The following CFAP157 variants were observed in gnomAD, a reference collection of about 807,000 sequenced individuals.
CFAP157 encodes cilia- and flagella-associated protein 157.
A neutral mutation model predicts 57.8 loss-of-function variants in CFAP157; 43 were observed. That is an observed-to-expected ratio of 0.74 (90% CI 0.58 to 0.96). The LOEUF is 0.96. CFAP157 is among the 40% of genes least tolerant of loss of function. CFAP157 has a pLI of 0.00. For missense variants in CFAP157, 606 were observed against 655.3 expected (o/e 0.92, Z 0.82); for synonymous variants, 267 against 269.0 (o/e 0.99, Z 0.07).
chr9:127,715,103 G>A lies in CFAP157; in HGVS notation c.*1198G>A, dbSNP rs1188287964. ...GTGCCGGTCGCGCGTCCAACTCTCC[G>A]CCACACCCAGCCGCCGCGCCAGCTG... On this transcript the variant is annotated 3_prime_UTR_variant, in exon 9 of 9. Transcript: ENST00000373295. The surrounding 1 kb of genome is among the most constrained non-coding windows in gnomAD (Gnocchi z 5.8). The A allele has an allele frequency of 1.3e-6, 2 of 1,533,458 alleles. No individual in the cohort carries two copies. Among genetic ancestry groups the A allele is most frequent in the Admixed American group, 2.0e-5 (1 of 51,140 alleles). The allele number at this position is 1,533,458 out of a possible 1,614,324, so 95.0% of individuals were successfully genotyped here. A position where few individuals can be genotyped will look rare whatever the true frequency, so the allele number is the denominator to read the frequency against.
rs866067906 is a variant in CFAP157 at position 127,710,630 on chromosome 9, C to T, written c.463C>T (p.Arg155Trp). The change falls in exon 3 of 9, where the codon CGG (arginine) becomes TGG (tryptophan). Residue 155 changes from arginine to tryptophan, a missense_variant. By Grantham distance (101) the Arg-to-Trp change is moderately radical (BLOSUM62 -3). Coordinates refer to ENST00000373295, the MANE Select transcript of CFAP157 (RefSeq NM_001012502.3). ...GAAGCTGGCAGCCCTGGAGGAGTTC[C>T]GGCTGCAGAAAGAGGAGGTCACGGA... ...GGKLAALEEF[R>W]LQKEEVTDKF... The T allele has an allele frequency of 1.6e-5, 26 of 1,585,896 alleles. No homozygotes were observed. Among genetic ancestry groups the T allele is most frequent in the Middle Eastern group, 3.3e-4 (2 of 6,010 alleles).
Position 127,711,899 on chromosome 9 carries a change from G to A in CFAP157, c.935G>A (p.Ser312Asn), listed in dbSNP as rs1385752828. ...GCCGAGGAGCTGCGCCTCCTGCTGA[G>A]CCAGTTGGAGCAGAGATCCCTGCAG... is the stretch of plus-strand genomic sequence containing the variant. ...KEAEELRLLL[S>N]QLEQRSLQLQ... Residue 312 changes from serine to asparagine, a missense_variant, in exon 5 of 9, where the codon AGC becomes AAC. Transcript: ENST00000373295. The A allele has an allele frequency of 6.2e-7, 1 of 1,601,098 alleles. No individual in the cohort carries two copies. Among genetic ancestry groups the A allele is most frequent in the African/African-American group, 1.3e-5 (1 of 74,880 alleles).
At chr9:127,710,803 G>T (rs1382840753) in intron 3 of CFAP157, 49 bp downstream of exon 3, 2 of 1,543,528 alleles carry the variant, frequency 1.3e-6, no homozygotes, top group African/African-American at 2.7e-5. Flanking sequence ...TCATCCCTGG[G>T]GCTACGAACA....
Position 127,711,272 on chromosome 9 carries a change from G to A in CFAP157, c.631G>A (p.Glu211Lys). The A allele has an allele frequency of 6.2e-7, 1 of 1,614,190 alleles. No homozygotes were observed. The highest frequency in any genetic ancestry group is 8.5e-7 in the Non-Finnish European group (1 of 1,180,034). The change falls in exon 4 of 9, where the codon GAG becomes AAG. Residue 211 changes from glutamate to lysine, a missense_variant. By Grantham distance (56) the Glu-to-Lys change is moderately conservative (BLOSUM62 1). Transcript: ENST00000373295. ...CCAGCGCGTGAACCTCGTGGCCAATGAGTTCCACAAGGTGACCACGAACCG... is the reference window on the plus strand; with the variant it reads ...CCAGCGCGTGAACCTCGTGGCCAATAAGTTCCACAAGGTGACCACGAACCG... ...IIQRVNLVANEFHKVTTNRMW... is the reference protein window; with the variant it reads ...IIQRVNLVANKFHKVTTNRMW...
rs1437140642 is a variant in CFAP157, at chr9:127,713,945, C to T, written c.*40C>T. The T allele has an allele frequency of 6.3e-7, 1 of 1,590,872 alleles. No individual in the cohort carries two copies. The highest frequency in any genetic ancestry group is 2.2e-5 in the East Asian group (1 of 44,742). ...AACCTACTCCAGAAATGGACTGGTC[C>T]AGTCACAGTCACCCCCACTTTAATC... is the stretch of plus-strand genomic sequence containing the variant. On this transcript the variant is annotated 3_prime_UTR_variant, in exon 9 of 9. Coordinates refer to ENST00000373295, the MANE Select transcript of CFAP157 (RefSeq NM_001012502.3).
Position 127,707,003 on chromosome 9 carries a change from G to A in CFAP157, c.-29G>A, listed in dbSNP as rs1222751622. The A allele has an allele frequency of 1.2e-6, 2 of 1,610,624 alleles. No homozygotes were observed. Among genetic ancestry groups the A allele is most frequent in the African/African-American group, 2.7e-5 (2 of 74,750 alleles). On this transcript the variant is annotated 5_prime_UTR_variant, in exon 1 of 9. Coordinates refer to ENST00000373295, the MANE Select transcript of CFAP157 (RefSeq NM_001012502.3). ...CTTAGCAACCACCTGGCCTCTTCCT[G>A]GGGCCTGGAGCCCTGGTTGCCATCA...
At position 127,713,197 on chromosome 9, in the gene CFAP157, C is replaced by T. The variant is rs200954672; in HGVS notation, c.1482C>T (p.Ser494=). 9.1e-6 allele frequency: 14 copies of T among 1,546,006 alleles called. No homozygotes were observed. Among genetic ancestry groups the T allele is most frequent in the Non-Finnish European group, 1.0e-5 (12 of 1,145,636 alleles). Residue 494 remains serine, a synonymous_variant, in exon 8 of 9, where the codon AGC becomes AGT. Transcript: ENST00000373295. ...GTGTGGGGACCTTCCGGGCACACAG[C>T]AGCCCTGAGGTGAGGGTGCCAGGGG... ...ITRVGTFRAH[S]SPEMRAPGSL...
chr9:127,713,847 G>GCACATCTT lies in CFAP157; in HGVS notation c.1505_1506insCACATCTT (p.Ser503ThrfsTer5), dbSNP rs749386616. 1 of 1,613,794 alleles carries GCACATCTT rather than the reference G, an allele frequency of 6.2e-7. No homozygotes were observed. The highest frequency in any genetic ancestry group is 1.1e-5 in the South Asian group (1 of 91,074). ...TTAATCTTACAGATGCGTGCCCCTGGTTCTCTAAAAAGGCTTGAAAAGTTT... is the reference window on the plus strand; with the variant it reads ...TTAATCTTACAGATGCGTGCCCCTGGCACATCTTTTCTCTAAAAAGGCTTGAAAAGTTT... On this transcript the variant is annotated frameshift_variant, in exon 9 of 9. Coordinates refer to ENST00000373295, the MANE Select transcript of CFAP157 (RefSeq NM_001012502.3). LOFTEE classifies it high-confidence loss of function.
Position 127,707,019 on chromosome 9 carries a change from G to A in CFAP157, c.-13G>A. The A allele has an allele frequency of 6.2e-7, 1 of 1,613,186 alleles. No individual in the cohort carries two copies. Among genetic ancestry groups the A allele is most frequent in the Non-Finnish European group, 8.5e-7 (1 of 1,179,526 alleles). ...CCTCTTCCTGGGGCCTGGAGCCCTG[G>A]TTGCCATCAGCCATGGCTCCCAAAA... On this transcript the variant is annotated 5_prime_UTR_variant, in exon 1 of 9. Coordinates refer to ENST00000373295, the MANE Select transcript of CFAP157 (RefSeq NM_001012502.3).
In CFAP157 at chr9:127,710,701, G is replaced by A. The variant is rs1401177766; in HGVS notation, c.534G>A (p.Glu178=). ...AGCAGGTGCGGAAGCAGGAGAATGAGTTCAGGGACTATGCATACAACCTGG... is the reference window on the plus strand; with the variant it reads ...AGCAGGTGCGGAAGCAGGAGAATGAATTCAGGGACTATGCATACAACCTGG... ...LEEQVRKQEN[E]FRDYAYNLEK... is the part of the protein sequence containing the mutation. The change falls in exon 3 of 9, where the codon GAG becomes GAA. Residue 178 remains glutamate (E), a synonymous_variant. Coordinates refer to ENST00000373295, the MANE Select transcript of CFAP157 (RefSeq NM_001012502.3). 1 of 1,575,070 alleles carries A rather than the reference G, an allele frequency of 6.3e-7. No individual in the cohort carries two copies. The highest frequency in any genetic ancestry group is 8.6e-7 in the Non-Finnish European group (1 of 1,159,424).
At position 127,707,074 on chromosome 9, in the gene CFAP157, G is replaced by C. The variant is rs1283236085; in HGVS notation, c.43G>C (p.Glu15Gln). The C allele has an allele frequency of 6.2e-6, 10 of 1,614,006 alleles. No individual in the cohort carries two copies. Among genetic ancestry groups the C allele is most frequent in the Admixed American group, 3.3e-5 (2 of 60,036 alleles). The stretch of plus-strand genomic sequence containing the variant: ...TGTGAGCAAGGCAGGCAAGGAGCTT[G>C]AAGTCAAGAAGAAAGGGGGCAAGAA... ...KSVSKAGKEL[E>Q]VKKKGGKKEP... is the part of the protein sequence containing the mutation. The change falls in exon 1 of 9, where the codon GAA becomes CAA. Residue 15 changes from glutamate to glutamine, a missense_variant. Glu to Gln is a conservative substitution (Grantham distance 29). Transcript: ENST00000373295.
chr9:127,711,138 G>T, intron 3 of CFAP157, 91 bp from the exon 4 acceptor site: 2 of 1,492,424 alleles, frequency 1.3e-6, no homozygotes, highest in Non-Finnish European at 9.0e-7. Context: ...GTGTTTAACA[G>T]CCCTAGGTGC....
At chr9:127,712,989 G>A (rs1248941342) in intron 7 of CFAP157, 31 bp from the exon 8 acceptor site, 1 of 1,607,926 alleles carries the variant, frequency 6.2e-7, no homozygotes, top group Non-Finnish European at 8.5e-7. Flanking sequence ...GCTCGCCGAA[G>A]GCTCTGTGAC....
At position 127,709,406 on chromosome 9, in the gene CFAP157, T is replaced by TCTGCCC; in HGVS notation, c.162-8_162-3dup. The TCTGCCC allele has an allele frequency of 1.9e-6, 3 of 1,611,044 alleles. No individual in the cohort carries two copies. The highest frequency in any genetic ancestry group is 2.5e-6 in the Non-Finnish European group (3 of 1,179,048). On this transcript the variant is annotated splice_polypyrimidine_tract_variant and intron_variant, in intron 1 of 8. Coordinates refer to ENST00000373295, the MANE Select transcript of CFAP157 (RefSeq NM_001012502.3). The surrounding 1 kb of genome is among the most constrained non-coding windows in gnomAD (Gnocchi z 4.7). ...CCCAGCCTGACCCCTGGACCACGGC[T>TCTGCCC]CTGCCCCTGCCCCAGGTACCAGCGG...
chr9:127,711,532 T>C, intron 4 of CFAP157, 36 bp downstream of exon 4: 1 of 1,597,338 alleles, frequency 6.3e-7, no homozygotes. Flanking sequence ...GCATTTGGCA[T>C]GCAAGGCAGG....
Position 127,714,112 on chromosome 9 carries a change from T to C in CFAP157, c.*207T>C. Reference sequence around the variant, plus strand: ...ATGGCCACTAGTGTCACGGCCCCAGTGAGGGCCCCTGGCTTCGCTCACGGA... The same window carrying C: ...ATGGCCACTAGTGTCACGGCCCCAGCGAGGGCCCCTGGCTTCGCTCACGGA... On this transcript the variant is annotated 3_prime_UTR_variant, in exon 9 of 9. Transcript: ENST00000373295. 6.2e-7 allele frequency: 1 copy of C among 1,612,966 alleles called. No individual in the cohort carries two copies. The highest frequency in any genetic ancestry group is 8.5e-7 in the Non-Finnish European group (1 of 1,179,754).
chr9:127,715,972 C>A lies in CFAP157; in HGVS notation c.*2067C>A. On this transcript the variant is annotated 3_prime_UTR_variant, in exon 9 of 9. Coordinates refer to ENST00000373295, the MANE Select transcript of CFAP157 (RefSeq NM_001012502.3). The surrounding 1 kb of genome is among the most constrained non-coding windows in gnomAD (Gnocchi z 5.8). ...GTCCTTTCCCCGCTGTAGGCCTCAACCTCTCCAGCTAATAAAAGTTTTCTA... is the reference window on the plus strand; with the variant it reads ...GTCCTTTCCCCGCTGTAGGCCTCAAACTCTCCAGCTAATAAAAGTTTTCTA... The A allele has an allele frequency of 1.1e-6, 1 of 947,292 alleles. No individual in the cohort carries two copies. Among genetic ancestry groups the A allele is most frequent in the South Asian group, 1.5e-5 (1 of 67,164 alleles). The allele number at this position is 947,292 out of a possible 1,614,324, so 58.7% of individuals were successfully genotyped here.
rs61738788 is a variant in CFAP157 at position 127,712,718 on chromosome 9, G to C, written c.1147G>C (p.Asp383His). The C allele has an allele frequency of 1.2e-6, 2 of 1,614,046 alleles. No individual in the cohort carries two copies. Among genetic ancestry groups the C allele is most frequent in the Non-Finnish European group, 1.7e-6 (2 of 1,180,016 alleles). Residue 383 changes from aspartate (D) to histidine (H), a missense_variant, in exon 7 of 9, where the codon GAT becomes CAT. Physicochemically the swap from Asp to His is moderately conservative, Grantham distance 81. Transcript: ENST00000373295. Reference protein sequence around the residue: ...FLQNILQMHRDEEDSDVDVTF... With the variant: ...FLQNILQMHRHEEDSDVDVTF... The stretch of plus-strand genomic sequence containing the variant: ...CCACCCTCACCAACAGATGCACCGC[G>C]ATGAAGAGGACAGTGACGTTGACGT...
chr9:127,710,574 T>C (rs370956723), intron 2 of CFAP157, 27 bp from the exon 3 acceptor site: 376 of 1,564,268 alleles, frequency 2.4e-4, no homozygotes, highest in Non-Finnish European at 3.0e-4. Context: ...CAGCCCATCA[T>C]TGGGCCTTGT....
Sources: gnomAD v4.1 joint callset for allele counts on GRCh38, gnomAD v4.1.1 for gene constraint, Gnocchi (gnomAD v3.1) non-coding constraint, MANE v1.5 for transcripts, NCBI Gene and HGNC (gene_info 2026-07-23, HGNC 2026-07-21) for gene names.